Variants in PCDHGB3 observed in about 807,000 individuals in gnomAD.
PCDHGB3 encodes protocadherin gamma subfamily B, 3, also known as protocadherin gamma-B3.
In PCDHGB3, 40 loss-of-function variants were observed where a neutral mutation model predicts 59.2. That is an observed-to-expected ratio of 0.68 (90% CI 0.52 to 0.88). The LOEUF is 0.88. Among genes scored for constraint, PCDHGB3 ranks in the 40% least tolerant of loss-of-function variants. The probability of loss-of-function intolerance (pLI) is 0.00; values close to 1 mark genes in which losing one functional copy is unlikely to be tolerated. For synonymous variants in PCDHGB3, 581 were observed against 503.6 expected (o/e 1.15, Z -2.06); for missense variants, 1,309 against 1,187.9 (o/e 1.10, Z -1.50).
In PCDHGB3 at chr5:141,511,035, C is replaced by T. The variant is rs373005862; in HGVS notation, c.2652C>T (p.His884=). Residue 884 remains histidine (H), a synonymous_variant, in exon 4 of 4, where the codon CAC becomes CAT. Transcript: ENST00000576222. ...ACGGACCCCAGTTCACCCTGCAGCA[C>T]GTGCCCGACTACCGCCAGAATGTCT... ...ARYGPQFTLQ[H]VPDYRQNVYI... The T allele has an allele frequency of 1.7e-5, 27 of 1,614,208 alleles. No individual in the cohort carries two copies. The African/African-American group carries it at 2.9e-4, about 18-fold the overall frequency.
Position 141,485,434 on chromosome 5 carries a change from G to T in PCDHGB3, c.2416-9373G>T. The stretch of plus-strand genomic sequence containing the variant: ...TGGACAGCGGAGCCCTGCTCATCAA[G>T]AACCCAATCGACCGAGAGGCACTGT... On this transcript the variant is annotated intron_variant, in intron 1 of 3. Transcript: ENST00000576222. This position sits in a 1 kb window ranked among gnomAD's most constrained non-coding sequence, Gnocchi z 5.7. The T allele has an allele frequency of 6.2e-7, 1 of 1,614,166 alleles. No homozygotes were observed. The highest frequency in any genetic ancestry group is 1.6e-4 in the Middle Eastern group (1 of 6,062).
At chr5:141,408,412 G>A in intron 1 of PCDHGB3, 2 of 1,614,052 alleles carry the variant, frequency 1.2e-6, no homozygotes, top group South Asian at 1.1e-5. Flanking sequence ...GAGTGAGCGC[G>A]GAGAAGCTGC....
chr5:141,500,491 G>A (rs1595677531), intron 2 of PCDHGB3, among the ~76,000 whole-genome samples: 1 of 152,156 alleles, frequency 6.6e-6, no homozygotes, highest in East Asian at 1.9e-4. Context: ...TTACAGGCGT[G>A]AGCCACCGCG....
At chr5:141,457,475 G>T (rs1203288452) in intron 1 of PCDHGB3, among the ~76,000 whole-genome samples, 1 of 152,142 alleles carries the variant, frequency 6.6e-6, no homozygotes, top group East Asian at 1.9e-4. Flanking sequence ...AATAAGCAGG[G>T]CCAGGGTTAG....
In PCDHGB3 at chr5:141,491,908, G is replaced by T; in HGVS notation, c.2416-2899G>T. ...GGGGCTCCGAGCACCGGGGGTGGTG[G>T]CGACTGTGGGCGAGGGGAGGTGGGA... On this transcript the variant is annotated intron_variant, in intron 1 of 3. Transcript: ENST00000576222. The surrounding 1 kb of genome is among the most constrained non-coding windows in gnomAD (Gnocchi z 6.9). 7.1e-7 allele frequency: 1 copy of T among 1,408,288 alleles called. No homozygotes were observed. Among genetic ancestry groups the T allele is most frequent in the Non-Finnish European group, 9.4e-7 (1 of 1,060,836 alleles). The allele number at this position is 1,408,288 out of a possible 1,614,324, so 87.2% of individuals were successfully genotyped here. A position where few individuals can be genotyped will look rare whatever the true frequency, so the allele number is the denominator to read the frequency against.
At chr5:141,409,626 G>A (rs776642148) in intron 1 of PCDHGB3, 13 of 1,613,760 alleles carry the variant, frequency 8.1e-6, no homozygotes, top group Non-Finnish European at 5.1e-6. Flanking sequence ...GCGCAAGTGA[G>A]CGCCTCTGAC....
chr5:141,399,525 C>T (rs1170362164), intron 1 of PCDHGB3: 1 of 1,614,058 alleles, frequency 6.2e-7, no homozygotes, highest in East Asian at 2.2e-5. Flanking sequence ...CTGGGGCCTC[C>T]ATCGCGCAAG....
intron 1 of PCDHGB3, among the ~76,000 whole-genome samples, chr5:141,462,829 G>T (rs770335372): frequency 4.6e-5 from 7 of 152,130 alleles, no homozygotes; most frequent in Non-Finnish European, 8.8e-5. Flanking sequence ...AGCAGACATT[G>T]TAAATGTTAT....
intron 1 of PCDHGB3, chr5:141,427,047 C>T (rs1196561600): frequency 1.1e-5 from 5 of 457,294 alleles, no homozygotes; most frequent in Non-Finnish European, 1.8e-5. Flanking sequence ...GAATGTGCCC[C>T]CAGGCACCTC....
At chr5:141,398,437 C>G (rs2093656645) in intron 1 of PCDHGB3, 20 of 1,556,582 alleles carry the variant, frequency 1.3e-5, no homozygotes, top group Non-Finnish European at 1.8e-5. Flanking sequence ...AGCTTGTGCT[C>G]TGGAATTTGA....
intron 1 of PCDHGB3, among the ~76,000 whole-genome samples, chr5:141,453,673 AC>A (rs1459216908): frequency 6.6e-6 from 1 of 152,230 alleles, no homozygotes; most frequent in African/African-American, 2.4e-5. Flanking sequence ...ACAAAAGGTA[AC>A]ACACTATGTA....
chr5:141,481,901 G>A (rs1297925755), intron 1 of PCDHGB3, among the ~76,000 whole-genome samples: 2 of 125,298 alleles, frequency 1.6e-5, no homozygotes, highest in Non-Finnish European at 3.2e-5. Context: ...GTGAAAGAGC[G>A]AAACTCCATC....
Position 141,417,739 on chromosome 5 carries a change from C to G in PCDHGB3, c.2415+44930C>G, listed in dbSNP as rs1002260902. On this transcript the variant is annotated intron_variant, in intron 1 of 3. Transcript: ENST00000576222. The stretch of plus-strand genomic sequence containing the variant: ...GGCTGCGCAGACCTTGCCCAGCACA[C>G]CAGATTGCCAGCTCCGAGACCCGGG... 1.6e-5 allele frequency: 22 copies of G among 1,411,706 alleles called. No homozygotes were observed. In the African/African-American group the frequency reaches 1.7e-4, roughly 11 times the overall value. The allele number at this position is 1,411,706 out of a possible 1,614,324, so 87.4% of individuals were successfully genotyped here.
rs1165142153 is a variant in PCDHGB3 at position 141,402,786 on chromosome 5, G to A, written c.2415+29977G>A. On this transcript the variant is annotated intron_variant, in intron 1 of 3. Transcript: ENST00000576222. ...ACTCCATCCGGATTTCCAGTTCTGC[G>A]GCTACACAAAACCCGGCAGATACCA... 3.3e-6 allele frequency: 3 copies of A among 907,574 alleles called. No homozygotes were observed. The African/African-American group carries it at 5.0e-5, about 15-fold the overall frequency. 56.2% of individuals were successfully genotyped at this position (907,574 alleles called of 1,614,324 possible).
At chr5:141,466,004 C>T (rs1336655723) in intron 1 of PCDHGB3, among the ~76,000 whole-genome samples, 1 of 151,920 alleles carries the variant, frequency 6.6e-6, no homozygotes, top group Non-Finnish European at 1.5e-5. Flanking sequence ...CACCTGTAGT[C>T]CCAGCTACTC....
rs2099399818 is a variant in PCDHGB3, at chr5:141,476,845, C to G, written c.2416-17962C>G. 6.2e-7 allele frequency: 1 copy of G among 1,613,794 alleles called. No individual in the cohort carries two copies. Among genetic ancestry groups the G allele is most frequent in the African/African-American group, 1.3e-5 (1 of 75,078 alleles). ...TGGACGCGAATGACAATGCGCCTGTCTTCAACCAGTCCTTGTACCGGGCGC... is the reference window on the plus strand; with the variant it reads ...TGGACGCGAATGACAATGCGCCTGTGTTCAACCAGTCCTTGTACCGGGCGC... On this transcript the variant is annotated intron_variant, in intron 1 of 3. Transcript: ENST00000576222. This position sits in a 1 kb window ranked among gnomAD's most constrained non-coding sequence, Gnocchi z 7.6.
rs548103153 is a variant in PCDHGB3 at position 141,371,489 on chromosome 5, C to G, written c.1095C>G (p.Ala365=). Reference sequence around the variant, plus strand: ...AAGAAGATGCTGAGCTGGGGACTGCCGTTGCCCTGATCAAAACACATGATC... The same window carrying G: ...AAGAAGATGCTGAGCTGGGGACTGCGGTTGCCCTGATCAAAACACATGATC... ...HIQEDAELGT[A]VALIKTHDLD... The change falls in exon 1 of 4, where the codon GCC becomes GCG. Residue 365 remains alanine, a synonymous_variant. Transcript: ENST00000576222. 1 of 1,613,918 alleles carries G rather than the reference C, an allele frequency of 6.2e-7. No individual in the cohort carries two copies. Among genetic ancestry groups the G allele is most frequent in the Non-Finnish European group, 8.5e-7 (1 of 1,179,858 alleles).
intron 1 of PCDHGB3, among the ~76,000 whole-genome samples, chr5:141,449,869 T>G (rs1003364964): frequency 6.6e-6 from 1 of 151,924 alleles, no homozygotes; most frequent in African/African-American, 2.4e-5. Flanking sequence ...ATCAGAAAAT[T>G]TAACATCAAT....
chr5:141,413,397 T>A, intron 1 of PCDHGB3: 1 of 1,613,942 alleles, frequency 6.2e-7, no homozygotes, highest in Non-Finnish European at 8.5e-7. Context: ...TCTCCAGAGG[T>A]AGGACGCAGC....
Sources: gnomAD v4.1 joint callset for allele counts (sites outside exome capture counted in the v4.1 genomes callset) on GRCh38, gnomAD v4.1.1 for gene constraint, Gnocchi (gnomAD v3.1) non-coding constraint, MANE v1.5 for transcripts, NCBI Gene and HGNC (gene_info 2026-07-23, HGNC 2026-07-21) for gene names.